Variants in ZBTB16 observed in about 807,000 individuals in gnomAD.
The protein encoded by ZBTB16 is zinc finger and BTB domain containing 16.
ZBTB16 carries 8 observed loss-of-function variants against 56.8 expected under a neutral mutation model. The observed-to-expected ratio is 0.14, with a 90% CI of 0.08 to 0.25. The LOEUF (loss-of-function observed/expected upper bound fraction) is 0.25, where lower values mean the gene tolerates loss of function less well. Ranked by LOEUF, ZBTB16 falls within the 10% of genes least tolerant of loss-of-function variation. The pLI, the probability that ZBTB16 is intolerant of heterozygous loss-of-function variation, is 1.00. For synonymous variants in ZBTB16, 363 were observed against 368.5 expected, an observed-to-expected ratio of 0.98 and a Z score of 0.17; for missense variants, 625 against 903.0, an observed-to-expected ratio of 0.69 and a Z score of 3.95.
At position 114,251,917 on chromosome 11, in the gene ZBTB16, CT is replaced by C. The variant is rs1227487575; in HGVS notation, c.*1367del. Among the ~76,000 whole-genome samples the C allele has an allele frequency of 6.6e-6, 1 of 152,186 alleles. No homozygotes were observed. The highest frequency in any genetic ancestry group is 1.5e-5 in the Non-Finnish European group (1 of 68,044). On this transcript the variant is annotated 3_prime_UTR_variant, in exon 7 of 7. Transcript: ENST00000335953. ...ATGAGCTTTCTTAACCTCTGTATCT[CT>C]TTTTCGGTTGGGGCTTGGAGGAATG...
At chr11:114,165,261 C>T (rs1942714722) in intron 3 of ZBTB16, among the ~76,000 whole-genome samples, 1 of 152,234 alleles carries the variant, frequency 6.6e-6, no homozygotes, top group Non-Finnish European at 1.5e-5. Context: ...TGTCCCTTGC[C>T]TCTCAGGGGC....
chr11:114,169,832 G>T (rs1015433144), intron 3 of ZBTB16, among the ~76,000 whole-genome samples: 1 of 152,214 alleles, frequency 6.6e-6, no homozygotes, highest in African/African-American at 2.4e-5. Context: ...TTTTGATGAG[G>T]TCTTTGCTGC....
intron 2 of ZBTB16, among the ~76,000 whole-genome samples, chr11:114,097,862 A>G (rs1005396749): frequency 2.6e-5 from 4 of 152,356 alleles, no homozygotes; most frequent in Non-Finnish European, 5.9e-5. Flanking sequence ...CACTTAAATA[A>G]TTAAATAATA....
chr11:114,095,245 C>CTTTTCTTTTCTT lies in ZBTB16; in HGVS notation c.1268+30681_1268+30682insCTTTTCTTTTTT, dbSNP rs1555132749. 1.9e-3 allele frequency among the ~76,000 whole-genome samples: 172 copies of CTTTTCTTTTCTT among 90,428 alleles called. 3 individuals carry two copies. The highest frequency in any genetic ancestry group is 9.9e-3 in the African/African-American group (159 of 16,110). The allele number at this position is 90,428 out of a possible 152,430, so 59.3% of individuals were successfully genotyped here. A position where few individuals can be genotyped will look rare whatever the true frequency, so the allele number is the denominator to read the frequency against. On this transcript the variant is annotated intron_variant, in intron 2 of 6. Transcript: ENST00000335953. ...TAACCAATTTCTTTTCTTTTCTTTT[C>CTTTTCTTTTCTT]TTTTTTTTTTTTTTTTTTTTTTTTT...
Position 114,186,937 on chromosome 11 carries a change from T to C in ZBTB16, c.1367-15T>C, listed in dbSNP as rs1253140599. 1 of 1,613,712 alleles carries C rather than the reference T, an allele frequency of 6.2e-7. No homozygotes were observed. The highest frequency in any genetic ancestry group is 1.1e-5 in the South Asian group (1 of 91,064). ...GACTATTGCTCTAGTGGTAACTGCC[T>C]CTCCTTTCTTTCAGCGGGTGCCAAA... is the stretch of plus-strand genomic sequence containing the variant. On this transcript the variant is annotated splice_polypyrimidine_tract_variant and intron_variant, in intron 3 of 6. Transcript: ENST00000335953.
chr11:114,182,042 C>T (rs759222620), intron 3 of ZBTB16, among the ~76,000 whole-genome samples: 1 of 152,120 alleles, frequency 6.6e-6, no homozygotes, highest in East Asian at 1.9e-4. Flanking sequence ...TTACTCAATG[C>T]TTTGTTGTTG....
chr11:114,211,618 C>A (rs1943999232), intron 4 of ZBTB16, among the ~76,000 whole-genome samples: 1 of 152,184 alleles, frequency 6.6e-6, no homozygotes, highest in South Asian at 2.1e-4. Flanking sequence ...CTGGTTGGCT[C>A]CCTTCCCCCT....
At chr11:114,171,870 T>C (rs1419594012) in intron 3 of ZBTB16, among the ~76,000 whole-genome samples, 1 of 152,246 alleles carries the variant, frequency 6.6e-6, no homozygotes, top group Non-Finnish European at 1.5e-5. Flanking sequence ...ATGTGGTGTT[T>C]GGTTAAATTG....
chr11:114,215,197 A>G (rs1484930026), intron 4 of ZBTB16, among the ~76,000 whole-genome samples: 1 of 152,246 alleles, frequency 6.6e-6, no homozygotes, highest in Non-Finnish European at 1.5e-5. Flanking sequence ...CCTGATAACT[A>G]GTAGTTGTTC....
chr11:114,070,161 T>C (rs566782933), intron 2 of ZBTB16, among the ~76,000 whole-genome samples: 19 of 135,424 alleles, frequency 1.4e-4, no homozygotes, highest in Non-Finnish European at 2.5e-4. Context: ...GACTGCGGAC[T>C]GCAGTGGCGC....
chr11:114,124,301 G>A (rs142021616), intron 2 of ZBTB16, among the ~76,000 whole-genome samples: 1,581 of 152,106 alleles, frequency 0.01, 26 homozygotes, highest in East Asian at 0.033. Flanking sequence ...GGGGCTCTGG[G>A]TGGCCATGTG....
At chr11:114,233,270 G>C (rs435562) in intron 4 of ZBTB16, among the ~76,000 whole-genome samples, 82,027 of 151,584 alleles carry the variant, frequency 0.54, 24,715 homozygotes, top group East Asian at 0.71. Context: ...AGGTACCAGC[G>C]GAGGATATTA....
chr11:114,126,476 G>A (rs1941511089), intron 2 of ZBTB16, among the ~76,000 whole-genome samples: 1 of 152,134 alleles, frequency 6.6e-6, no homozygotes, highest in South Asian at 2.1e-4. Context: ...TTCTGGGGTT[G>A]GTCCTGGGTA....
chr11:114,154,575 A>G (rs1942358743), intron 2 of ZBTB16, among the ~76,000 whole-genome samples: 1 of 152,206 alleles, frequency 6.6e-6, no homozygotes, highest in Admixed American at 6.5e-5. Flanking sequence ...TGCTATTAGG[A>G]CATGTCCCAG....
rs1460608642 is a variant in ZBTB16, at chr11:114,250,548, A to G, written c.2015A>G (p.Tyr672Cys). ...RIEKTYLYLC[Y>C]V ...GAGAAGACGTACCTCTACCTGTGCT[A>G]TGTGTGAAGGGAGGCCCGCGGCGGT... The change falls in exon 7 of 7, where the codon TAT becomes TGT. Residue 672 changes from tyrosine (Y) to cysteine (C), a missense_variant. Around this residue, in one of 6 missense-constraint regions of ZBTB16, gnomAD observed 40 missense variants for 93.2 expected, o/e 0.43. Transcript: ENST00000335953. The surrounding 1 kb of genome is among the most constrained non-coding windows in gnomAD (Gnocchi z 6.0). 6.2e-7 allele frequency: 1 copy of G among 1,613,866 alleles called. No individual in the cohort carries two copies.
chr11:114,227,842 T>G (rs1467817016), intron 4 of ZBTB16, among the ~76,000 whole-genome samples: 2 of 152,246 alleles, frequency 1.3e-5, no homozygotes, highest in Non-Finnish European at 2.9e-5. Context: ...GTTTTTAATT[T>G]TTTAATTTTG....
intron 4 of ZBTB16, among the ~76,000 whole-genome samples, chr11:114,231,530 C>G (rs775926126): frequency 6.6e-6 from 1 of 152,066 alleles, no homozygotes; most frequent in African/African-American, 2.4e-5. Context: ...CTGGTAGTCC[C>G]CTAGAAAAGG....
intron 2 of ZBTB16, among the ~76,000 whole-genome samples, chr11:114,142,265 A>T (rs1941971132): frequency 6.6e-6 from 1 of 152,182 alleles, no homozygotes; most frequent in African/African-American, 2.4e-5. Flanking sequence ...CCTGTTGCCT[A>T]AAAACTTTTT....
chr11:114,187,047 A>C lies in ZBTB16; in HGVS notation c.1453+9A>C. The C allele has an allele frequency of 6.2e-7, 1 of 1,613,744 alleles. No individual in the cohort carries two copies. The highest frequency in any genetic ancestry group is 1.1e-5 in the South Asian group (1 of 91,072). ...CAGGCAGACCCATACTGGTGAGTTGACTTGGATTCCTGTTCTCCAGGTTTT... is the reference window on the plus strand; with the variant it reads ...CAGGCAGACCCATACTGGTGAGTTGCCTTGGATTCCTGTTCTCCAGGTTTT... On this transcript the variant is annotated intron_variant, in intron 4 of 6. Transcript: ENST00000335953.
Sources: gnomAD v4.1 joint callset for allele counts (sites outside exome capture counted in the v4.1 genomes callset) on GRCh38, gnomAD v4.1.1 for gene constraint, gnomAD v4.1.1 regional missense constraint, Gnocchi (gnomAD v3.1) non-coding constraint, MANE v1.5 for transcripts, NCBI Gene and HGNC (gene_info 2026-07-23, HGNC 2026-07-21) for gene names.